Variants in MTCL3 observed in about 807,000 individuals in gnomAD.
MTCL3 encodes MTCL family member 3, also known as microtubule cross-linking factor 3.
the MTCL3 span, among the ~76,000 whole-genome samples, chr6:127,512,550 C>T: frequency 5.3e-3 from 800 of 152,180 alleles, 7 homozygotes; most frequent in Non-Finnish European, 5.9e-3. Context: ...CTAATTATTC[C>T]CCTCAACTAT....
the MTCL3 span, among the ~76,000 whole-genome samples, chr6:127,487,470 T>C: frequency 2.0e-5 from 3 of 152,172 alleles, no homozygotes; most frequent in African/African-American, 2.4e-5. Flanking sequence ...AGGGATTGCC[T>C]GCTGGAAGGA....
the MTCL3 span, chr6:127,473,168 GTT>G: frequency 1.6e-6 from 2 of 1,270,762 alleles, no homozygotes; most frequent in South Asian, 5.6e-5. Flanking sequence ...AGTCTTCAGT[GTT>G]TTTATAGCAT....
the MTCL3 span, chr6:127,515,878 C>T: frequency 5.6e-6 from 9 of 1,611,820 alleles, no homozygotes; most frequent in African/African-American, 1.2e-4. The surrounding 1 kb of genome is among the most constrained non-coding windows in gnomAD (Gnocchi z 4.3). Flanking sequence ...GTAGCTCCCT[C>T]CACCACCGCT....
At chr6:127,497,646 C>G in the MTCL3 span, among the ~76,000 whole-genome samples, 5 of 152,078 alleles carry the variant, frequency 3.3e-5, no homozygotes, top group Non-Finnish European at 1.5e-5. Flanking sequence ...TCAAGCTGTT[C>G]TATATCTTGG....
At chr6:127,495,552 T>C in the MTCL3 span, among the ~76,000 whole-genome samples, 1 of 152,216 alleles carries the variant, frequency 6.6e-6, no homozygotes, top group Non-Finnish European at 1.5e-5. Flanking sequence ...TAGAATCTTG[T>C]AAGAAATATG....
At chr6:127,487,749 T>G in the MTCL3 span, among the ~76,000 whole-genome samples, 1 of 152,206 alleles carries the variant, frequency 6.6e-6, no homozygotes, top group Non-Finnish European at 1.5e-5. Context: ...AAGAGGCACA[T>G]GCCAGGGTGA....
the MTCL3 span, among the ~76,000 whole-genome samples, chr6:127,518,073 G>C: frequency 6.6e-6 from 1 of 152,092 alleles, no homozygotes; most frequent in Non-Finnish European, 1.5e-5. Context: ...TTCTGTTTCT[G>C]GCATCTCCTT....
chr6:127,504,288 G>A, the MTCL3 span, among the ~76,000 whole-genome samples: 1 of 152,122 alleles, frequency 6.6e-6, no homozygotes, highest in African/African-American at 2.4e-5. Flanking sequence ...ATGTGTATGT[G>A]AAGCTATAGT....
chr6:127,505,218 G>A, the MTCL3 span, among the ~76,000 whole-genome samples: 356 of 152,270 alleles, frequency 2.3e-3, 5 homozygotes, highest in African/African-American at 8.2e-3. Context: ...GAGTAGCAAT[G>A]GCGAGATAAC....
the MTCL3 span, among the ~76,000 whole-genome samples, chr6:127,483,450 C>T: frequency 1.3e-5 from 2 of 152,186 alleles, no homozygotes; most frequent in African/African-American, 4.8e-5. Flanking sequence ...CCTCACCACA[C>T]ATCACCCCCT....
At chr6:127,496,655 A>G in the MTCL3 span, among the ~76,000 whole-genome samples, 8 of 152,368 alleles carry the variant, frequency 5.3e-5, no homozygotes, top group Non-Finnish European at 1.0e-4. Flanking sequence ...AATAACCAAA[A>G]GTTGGAAACA....
the MTCL3 span, among the ~76,000 whole-genome samples, chr6:127,490,077 T>C: frequency 5.3e-5 from 8 of 152,220 alleles, no homozygotes; most frequent in African/African-American, 1.7e-4. Flanking sequence ...TTGAAACCAA[T>C]GCTCATTTAC....
the MTCL3 span, among the ~76,000 whole-genome samples, chr6:127,518,231 A>G: frequency 2.0e-5 from 3 of 152,252 alleles, no homozygotes; most frequent in Admixed American, 6.5e-5. Context: ...AACATGGGCT[A>G]TCTAACTAAC....
At chr6:127,475,442 C>A in the MTCL3 span, 1 of 1,613,128 alleles carries the variant, frequency 6.2e-7, no homozygotes. This position sits in a 1 kb window ranked among gnomAD's most constrained non-coding sequence, Gnocchi z 7.3. Context: ...ATGCGGCTGC[C>A]GTCGTCCTCC....
At chr6:127,506,945 A>G in the MTCL3 span, among the ~76,000 whole-genome samples, 1 of 152,158 alleles carries the variant, frequency 6.6e-6, no homozygotes, top group Non-Finnish European at 1.5e-5. Flanking sequence ...CAGTAACTAT[A>G]TAAGTAATAT....
At chr6:127,510,848 A>G in the MTCL3 span, among the ~76,000 whole-genome samples, 2 of 152,276 alleles carry the variant, frequency 1.3e-5, no homozygotes, top group South Asian at 2.1e-4. Context: ...CTCCCTGTCA[A>G]ATTCATATAT....
At chr6:127,491,613 T>C in the MTCL3 span, among the ~76,000 whole-genome samples, 3 of 152,098 alleles carry the variant, frequency 2.0e-5, no homozygotes, top group African/African-American at 7.2e-5. Flanking sequence ...ACTGCTGTGG[T>C]CTAAAACAGA....
the MTCL3 span, among the ~76,000 whole-genome samples, chr6:127,506,732 G>A: frequency 2.0e-5 from 3 of 151,830 alleles, no homozygotes; most frequent in South Asian, 2.1e-4. Context: ...AGGCGCCCAC[G>A]ACCACGCCCG....
chr6:127,487,510 A>G, the MTCL3 span, among the ~76,000 whole-genome samples: 1 of 152,198 alleles, frequency 6.6e-6, no homozygotes, highest in African/African-American at 2.4e-5. Context: ...TCTGTCTCCA[A>G]CTTGTCTTGG....
Sources: allele counts gnomAD v4.1 joint callset (sites outside exome capture counted in the v4.1 genomes callset), GRCh38; gene constraint gnomAD v4.1.1; non-coding constraint Gnocchi (gnomAD v3.1); transcripts MANE v1.5; gene names NCBI Gene and HGNC (gene_info 2026-07-23, HGNC 2026-07-21).